RBFOX1: variants seen among roughly 807,000 people sequenced by gnomAD.
RBFOX1 encodes the protein RNA binding fox-1 homolog 1, also known as RNA binding protein fox-1 homolog 1.
RBFOX1 carries 8 observed loss-of-function variants against 57.7 expected under a neutral mutation model. That is an observed-to-expected ratio of 0.14 (90% CI 0.08 to 0.25). RBFOX1 has a LOEUF of 0.25. Ranked by LOEUF, RBFOX1 falls within the 10% of genes least tolerant of loss-of-function variation. RBFOX1 has a pLI of 1.00. For missense variants in RBFOX1, 611 were observed against 548.5 expected, an observed-to-expected ratio of 1.11 and a Z score of -1.14; for synonymous variants, 326 against 222.4, an observed-to-expected ratio of 1.47 and a Z score of -4.15.
At chr16:6,864,705 T>C (rs1376948937) in intron 3 of RBFOX1, among the ~76,000 whole-genome samples, 1 of 152,090 alleles carries the variant, frequency 6.6e-6, no homozygotes, top group Non-Finnish European at 1.5e-5. Context: ...ATGCATGGAA[T>C]CCTGAAGAAA....
intron 4 of RBFOX1, among the ~76,000 whole-genome samples, chr16:7,191,683 A>C (rs1309368965): frequency 6.6e-6 from 1 of 152,256 alleles, no homozygotes; most frequent in Non-Finnish European, 1.5e-5. Flanking sequence ...GGGCATGCTC[A>C]CGATTAAATA....
chr16:6,326,017 C>A (rs546811308), intron 2 of RBFOX1, among the ~76,000 whole-genome samples: 1 of 152,054 alleles, frequency 6.6e-6, no homozygotes, highest in African/African-American at 2.4e-5. Flanking sequence ...GACTTGTGTG[C>A]GTGAGTGTGT....
chr16:6,147,406 A>C (rs1212927937), intron 1 of RBFOX1, among the ~76,000 whole-genome samples: 3 of 152,138 alleles, frequency 2.0e-5, no homozygotes, highest in Non-Finnish European at 2.9e-5. Context: ...GGAGCATTCC[A>C]GGGTCCCTGG....
At chr16:7,578,030 C>A (rs2093468650) in intron 5 of RBFOX1, among the ~76,000 whole-genome samples, 1 of 152,230 alleles carries the variant, frequency 6.6e-6, no homozygotes, top group Non-Finnish European at 1.5e-5. Context: ...AGCAGTTGCT[C>A]AGTAAAGATG....
intron 2 of RBFOX1, among the ~76,000 whole-genome samples, chr16:6,650,560 C>A (rs570000512): frequency 6.6e-6 from 1 of 152,280 alleles, no homozygotes; most frequent in Admixed American, 6.5e-5. Context: ...AATTTAGAGA[C>A]AGTACGAAAA....
intron 3 of RBFOX1, among the ~76,000 whole-genome samples, chr16:5,732,555 C>T (rs958637445): frequency 2.6e-5 from 4 of 152,094 alleles, no homozygotes; most frequent in African/African-American, 7.2e-5. Context: ...GTCAGGCAGA[C>T]GATGGTTAGA....
At chr16:6,502,873 G>C (rs577620250) in intron 2 of RBFOX1, among the ~76,000 whole-genome samples, 1 of 152,036 alleles carries the variant, frequency 6.6e-6, no homozygotes, top group African/African-American at 2.4e-5. Flanking sequence ...GGTTATGTCC[G>C]TTTTATAGCA....
chr16:7,111,255 C>T (rs560101901), intron 4 of RBFOX1, among the ~76,000 whole-genome samples: 8 of 152,164 alleles, frequency 5.3e-5, no homozygotes, highest in South Asian at 2.1e-4. Flanking sequence ...TAACTTACAC[C>T]GTAAAAGTGA....
intron 4 of RBFOX1, among the ~76,000 whole-genome samples, chr16:7,360,117 A>T (rs1350544579): frequency 6.6e-6 from 1 of 152,262 alleles, no homozygotes; most frequent in Non-Finnish European, 1.5e-5. Context: ...GGATTCAACC[A>T]AAAGACAGAT....
chr16:6,852,943 G>T (rs28391791), intron 3 of RBFOX1, among the ~76,000 whole-genome samples: 53 of 152,308 alleles, frequency 3.5e-4, no homozygotes, highest in African/African-American at 1.2e-3. Flanking sequence ...GAGGATGCTG[G>T]GACTGTGTTG....
rs2094206465 is a variant in RBFOX1, at chr16:7,587,773, A to G, written c.468+473A>G. Among the ~76,000 whole-genome samples the G allele has an allele frequency of 2.0e-5, 3 of 152,298 alleles. No individual in the cohort carries two copies. In the South Asian group the frequency reaches 6.2e-4, roughly 32 times the overall value. On this transcript the variant is annotated intron_variant, in intron 7 of 15. Coordinates refer to ENST00000550418, the MANE Select transcript of RBFOX1 (RefSeq NM_018723.4). ...TATGTTTACCGATCCACATTTAGCAATTTGCCATTGCTTTGAGTTTGTTTT... is the reference window on the plus strand; with the variant it reads ...TATGTTTACCGATCCACATTTAGCAGTTTGCCATTGCTTTGAGTTTGTTTT...
intron 3 of RBFOX1, among the ~76,000 whole-genome samples, chr16:6,994,392 G>A (rs1353307356): frequency 6.6e-6 from 1 of 152,282 alleles, no homozygotes; most frequent in African/African-American, 2.4e-5. Flanking sequence ...CTGAAAACAT[G>A]AATAGTGCAT....
rs149642863 is a variant in RBFOX1 at position 7,090,483 on chromosome 16, A to G, written c.27+38385A>G. Among the ~76,000 whole-genome samples the G allele has an allele frequency of 4.5e-3, 678 of 152,316 alleles. 6 individuals are homozygous for G. The highest frequency in any genetic ancestry group is 7.4e-3 in the South Asian group (36 of 4,834). ...AAAGAAATGCTTTGGAATCGTATCAATTAAAAATAGTGTGGCCCCATTAAG... is the reference window on the plus strand; with the variant it reads ...AAAGAAATGCTTTGGAATCGTATCAGTTAAAAATAGTGTGGCCCCATTAAG... On this transcript the variant is annotated intron_variant, in intron 4 of 15. Transcript: ENST00000550418.
chr16:5,381,989 G>A (rs1181436546), intron 1 of RBFOX1, among the ~76,000 whole-genome samples: 1 of 152,218 alleles, frequency 6.6e-6, no homozygotes, highest in Non-Finnish European at 1.5e-5. Flanking sequence ...CTCAGTGGAC[G>A]TCAGTAGCAT....
intron 4 of RBFOX1, among the ~76,000 whole-genome samples, chr16:7,232,331 T>C (rs1462803274): frequency 3.9e-5 from 6 of 152,182 alleles, no homozygotes; most frequent in African/African-American, 1.4e-4. Flanking sequence ...AAGTGAGATA[T>C]ATAACTTGCT....
intron 1 of RBFOX1, among the ~76,000 whole-genome samples, chr16:5,459,458 T>G (rs1454554375): frequency 1.3e-5 from 2 of 152,126 alleles, no homozygotes; most frequent in African/African-American, 2.4e-5. Context: ...AGATCCATGC[T>G]TCCGTTTAGA....
intron 3 of RBFOX1, among the ~76,000 whole-genome samples, chr16:5,617,683 G>T (rs927911945): frequency 6.6e-6 from 1 of 152,180 alleles, no homozygotes; most frequent in Non-Finnish European, 1.5e-5. Flanking sequence ...CTATACCCTG[G>T]AAAGCTAGTG....
intron 2 of RBFOX1, among the ~76,000 whole-genome samples, chr16:5,554,434 C>T (rs1003859716): frequency 1.3e-5 from 2 of 152,070 alleles, no homozygotes; most frequent in Non-Finnish European, 2.9e-5. Flanking sequence ...AAAAGAGGTT[C>T]TTCTAAAACA....
intron 3 of RBFOX1, among the ~76,000 whole-genome samples, chr16:6,949,527 C>T (rs1012951302): frequency 1.3e-5 from 2 of 152,118 alleles, no homozygotes; most frequent in African/African-American, 4.8e-5. Flanking sequence ...TCTTCTTGGG[C>T]CTCTCTCCCT....
Sources: allele counts gnomAD v4.1 joint callset (sites outside exome capture counted in the v4.1 genomes callset), GRCh38; gene constraint gnomAD v4.1.1; transcripts MANE v1.5; gene names NCBI Gene and HGNC (gene_info 2026-07-23, HGNC 2026-07-21).